NSD1: variants seen among roughly 807,000 people sequenced by gnomAD.
NSD1 encodes the protein histone-lysine N-methyltransferase, H3 lysine-36 specific.
NSD1 carries 26 observed loss-of-function variants against 242.7 expected under a neutral mutation model. The observed-to-expected ratio is 0.11, with a 90% CI of 0.08 to 0.15. The LOEUF (loss-of-function observed/expected upper bound fraction) is 0.15, where lower values mean the gene tolerates loss of function less well. Ranked by LOEUF, NSD1 falls within the 10% of genes least tolerant of loss-of-function variation. The pLI, the probability that NSD1 is intolerant of heterozygous loss-of-function variation, is 1.00. For synonymous variants in NSD1, 1,106 were observed against 1,178.1 expected, an observed-to-expected ratio of 0.94 and a Z score of 1.25; for missense variants, 2,495 against 3,272.8, an observed-to-expected ratio of 0.76 and a Z score of 5.80.
chr5:177,276,121 G>A (rs999217954), intron 17 of NSD1, among the ~76,000 whole-genome samples: 3 of 151,946 alleles, frequency 2.0e-5, no homozygotes, highest in Admixed American at 2.0e-4. Flanking sequence ...GTAGAGTTGG[G>A]GTTTCACCAT....
intron 5 of NSD1, among the ~76,000 whole-genome samples, chr5:177,213,900 C>T (rs984210406): frequency 6.6e-6 from 1 of 152,070 alleles, no homozygotes; most frequent in Non-Finnish European, 1.5e-5. Context: ...GTTCATGCCT[C>T]TTGTAGTATG....
At chr5:177,149,607 G>C (rs956660648) in intron 2 of NSD1, among the ~76,000 whole-genome samples, 31 of 152,146 alleles carry the variant, frequency 2.0e-4, no homozygotes, top group African/African-American at 7.5e-4. Flanking sequence ...TTTTTCCACA[G>C]GTGGGAGTGG....
intron 2 of NSD1, among the ~76,000 whole-genome samples, chr5:177,164,353 C>T (rs1204673479): frequency 6.6e-6 from 1 of 151,774 alleles, no homozygotes; most frequent in African/African-American, 2.4e-5. Flanking sequence ...GACAGGGTTT[C>T]ACCATGTTGG....
In NSD1 at chr5:177,211,939, A is replaced by G. The variant is rs776683728; in HGVS notation, c.3540A>G (p.Lys1180=). Residue 1180 remains lysine (K), a synonymous_variant, in exon 5 of 23, where the codon AAA becomes AAG. Transcript: ENST00000439151. Reference sequence around the variant, plus strand: ...AGCGCATGAACAGATTTAAAGAGAAAGAAAACTCTGAGTGTGCCTTTAGGG... The same window carrying G: ...AGCGCATGAACAGATTTAAAGAGAAGGAAAACTCTGAGTGTGCCTTTAGGG... The part of the protein sequence containing the change: ...PRKRMNRFKE[K]ENSECAFRVL... 3.7e-5 allele frequency: 59 copies of G among 1,604,274 alleles called. No homozygotes were observed. The East Asian group carries it at 1.0e-3, about 28-fold the overall frequency.
At chr5:177,149,684 G>A (rs780641255) in intron 2 of NSD1, among the ~76,000 whole-genome samples, 7 of 152,060 alleles carry the variant, frequency 4.6e-5, no homozygotes, top group African/African-American at 9.7e-5. Flanking sequence ...CATAAGAAGC[G>A]CGCAACCTAG....
intron 2 of NSD1, among the ~76,000 whole-genome samples, chr5:177,143,417 G>T (rs1756981854): frequency 6.6e-6 from 1 of 152,060 alleles, no homozygotes; most frequent in Non-Finnish European, 1.5e-5. Flanking sequence ...CGTCTGCCGT[G>T]TTCAAGCAAT....
chr5:177,141,752 G>A (rs1562107978), intron 2 of NSD1, among the ~76,000 whole-genome samples: 1 of 152,194 alleles, frequency 6.6e-6, no homozygotes, highest in East Asian at 1.9e-4. Context: ...CTTCTGAACT[G>A]ACTTCAAACC....
At chr5:177,185,838 T>C (rs1214705036) in intron 2 of NSD1, among the ~76,000 whole-genome samples, 3 of 87,438 alleles carry the variant, frequency 3.4e-5, no homozygotes, top group African/African-American at 1.6e-4. Context: ...AAGTTTTATA[T>C]ATTTAAATAT....
At chr5:177,276,447 C>T (rs1758390443) in intron 17 of NSD1, among the ~76,000 whole-genome samples, 1 of 151,894 alleles carries the variant, frequency 6.6e-6, no homozygotes. Context: ...GCCTCAGCCT[C>T]CTGAGTAGCT....
At chr5:177,213,221 T>G (rs1214195800) in intron 5 of NSD1, among the ~76,000 whole-genome samples, 1 of 152,184 alleles carries the variant, frequency 6.6e-6, no homozygotes, top group Non-Finnish European at 1.5e-5. Flanking sequence ...TATACATATT[T>G]TTTTCTTTTT....
At chr5:177,256,275 C>CTTTTTTTTTTTTTTT (rs147226070) in intron 12 of NSD1, among the ~76,000 whole-genome samples, 1 of 76,854 alleles carries the variant, frequency 1.3e-5, no homozygotes, top group African/African-American at 5.3e-5. Context: ...TGCCCCCACA[C>CTTTTTTTTTTTTTTT]TTTTTTTTTT....
At chr5:177,232,302 T>C (rs545719657) in intron 5 of NSD1, among the ~76,000 whole-genome samples, 7 of 152,372 alleles carry the variant, frequency 4.6e-5, no homozygotes, top group African/African-American at 1.7e-4. Flanking sequence ...GCCGATTATA[T>C]AATATTCTGT....
At chr5:177,267,379 C>CT (rs1757577612) in intron 14 of NSD1, among the ~76,000 whole-genome samples, 183 bp from the exon 15 acceptor site, 1 of 152,202 alleles carries the variant, frequency 6.6e-6, no homozygotes, top group Non-Finnish European at 1.5e-5. Context: ...CAACCTGAAC[C>CT]TGACGAGAGT....
intron 2 of NSD1, among the ~76,000 whole-genome samples, chr5:177,143,397 C>T (rs999418364): frequency 6.6e-6 from 1 of 152,078 alleles, no homozygotes; most frequent in African/African-American, 2.4e-5. Context: ...TCTTGGCTCA[C>T]TGCAATCTCC....
intron 4 of NSD1, among the ~76,000 whole-genome samples, chr5:177,207,592 A>ATTTTTTTTTTTTTTTTT: frequency 1.0e-5 from 1 of 100,118 alleles, no homozygotes; most frequent in African/African-American, 5.7e-5. Flanking sequence ...TATTTATTTA[A>ATTTTTTTTTTTTTTTTT]ATTTTTTTTT....
At chr5:177,178,249 G>A (rs1760367871) in intron 2 of NSD1, among the ~76,000 whole-genome samples, 1 of 151,792 alleles carries the variant, frequency 6.6e-6, no homozygotes, top group African/African-American at 2.4e-5. Flanking sequence ...TTTATGAGAT[G>A]GAGTTTTGCT....
At chr5:177,192,597 T>C (rs1015721508) in intron 3 of NSD1, among the ~76,000 whole-genome samples, 6 of 152,196 alleles carry the variant, frequency 3.9e-5, no homozygotes, top group African/African-American at 9.6e-5. Flanking sequence ...GGTTTCTCCA[T>C]GTTGGTCAGA....
intron 3 of NSD1, among the ~76,000 whole-genome samples, chr5:177,201,312 C>A (rs1052327942): frequency 6.6e-6 from 1 of 152,016 alleles, no homozygotes; most frequent in African/African-American, 2.4e-5. Context: ...TGGGTTCAAG[C>A]GATTCTTCTG....
intron 21 of NSD1, among the ~76,000 whole-genome samples, chr5:177,291,258 T>C (rs1400764593): frequency 6.6e-6 from 1 of 152,206 alleles, no homozygotes; most frequent in Non-Finnish European, 1.5e-5. Context: ...TCTTAACACA[T>C]TGCTTATAGT....
Sources: allele counts gnomAD v4.1 joint callset (sites outside exome capture counted in the v4.1 genomes callset), GRCh38; gene constraint gnomAD v4.1.1; transcripts MANE v1.5; gene names NCBI Gene and HGNC (gene_info 2026-07-23, HGNC 2026-07-21).